The following SHANK2 variants were observed in gnomAD, a reference collection of about 807,000 sequenced individuals.
The protein encoded by SHANK2 is SH3 and multiple ankyrin repeat domains 2.
SHANK2 carries 43 observed loss-of-function variants against 133.7 expected under a neutral mutation model. The ratio of observed to expected loss-of-function variants is 0.32; its 90% CI spans 0.25 to 0.41. The LOEUF (loss-of-function observed/expected upper bound fraction) is 0.41. SHANK2 is among the 10% of genes least tolerant of loss of function. The probability of loss-of-function intolerance (pLI) is 1.00; values close to 1 mark genes in which losing one functional copy is unlikely to be tolerated. For missense variants in SHANK2, 1,994 were observed against 2,235.8 expected, an observed-to-expected ratio of 0.89 and a Z score of 2.18; for synonymous variants, 1,017 against 952.8, an observed-to-expected ratio of 1.07 and a Z score of -1.24.
At chr11:71,106,078 G>A (rs1167524295) in intron 6 of SHANK2, among the ~76,000 whole-genome samples, 2 of 152,238 alleles carry the variant, frequency 1.3e-5, no homozygotes, top group African/African-American at 4.8e-5. Context: ...AGGAAACTGG[G>A]GGAGCAGTCA....
At chr11:70,827,020 A>G (rs1555057359) in intron 11 of SHANK2, among the ~76,000 whole-genome samples, 1 of 152,186 alleles carries the variant, frequency 6.6e-6, no homozygotes, top group Non-Finnish European at 1.5e-5. Flanking sequence ...AGAAAAAGCC[A>G]AGTTTGTTTG....
intron 17 of SHANK2, among the ~76,000 whole-genome samples, chr11:70,644,219 T>C (rs1041697698): frequency 1.3e-5 from 2 of 152,234 alleles, no homozygotes; most frequent in Non-Finnish European, 2.9e-5. Context: ...GGCCAGTTCA[T>C]GGCATTAACT....
chr11:70,702,914 C>T (rs1180150110), intron 14 of SHANK2, among the ~76,000 whole-genome samples: 1 of 152,222 alleles, frequency 6.6e-6, no homozygotes, highest in Non-Finnish European at 1.5e-5. Flanking sequence ...ACAGTCCCTC[C>T]TTAAAGGGGA....
At chr11:70,664,202 G>A (rs1168675723) in intron 15 of SHANK2, among the ~76,000 whole-genome samples, 5 of 152,230 alleles carry the variant, frequency 3.3e-5, no homozygotes, top group African/African-American at 9.6e-5. Flanking sequence ...CCCCCACAAC[G>A]AGAACACAGA....
At chr11:71,112,859 C>T (rs1951912143) in intron 5 of SHANK2, among the ~76,000 whole-genome samples, 1 of 152,156 alleles carries the variant, frequency 6.6e-6, no homozygotes, top group South Asian at 2.1e-4. Context: ...GTGCAACGCC[C>T]CTGCTGCTCA....
At chr11:71,203,599 GA>G (rs1555117475) in intron 2 of SHANK2, among the ~76,000 whole-genome samples, 1 of 151,642 alleles carries the variant, frequency 6.6e-6, no homozygotes. Flanking sequence ...CATCTCAAAA[GA>G]AAAAAAAGAA....
At chr11:70,491,896 G>A (rs538921083) in intron 22 of SHANK2, among the ~76,000 whole-genome samples, 57 of 152,302 alleles carry the variant, frequency 3.7e-4, no homozygotes, top group African/African-American at 1.3e-3. Flanking sequence ...TTCTGGCTCC[G>A]AGGACAAGTG....
intron 15 of SHANK2, among the ~76,000 whole-genome samples, chr11:70,667,147 G>A (rs1223457867): frequency 3.9e-5 from 6 of 152,136 alleles, no homozygotes; most frequent in African/African-American, 1.4e-4. Flanking sequence ...GAAGGGGCAA[G>A]CACCTTTTCC....
rs11602751 is a variant in SHANK2, at chr11:70,951,600, A to G, written c.1108-55033T>C. Among the ~76,000 whole-genome samples the G allele has an allele frequency of 7.9e-3, 347 of 43,886 alleles. 4 individuals are homozygous for G. Among genetic ancestry groups the G allele is most frequent in the African/African-American group, 0.017 (306 of 17,932 alleles). The allele number at this position is 43,886 out of a possible 152,430, so 28.8% of individuals were successfully genotyped here. ...TTTCCTCTGGCTGCTGTGCTGTGAC[A>G]TCATAAATTCATTTCCTCTGGCTGC... On this transcript the variant is annotated intron_variant, in intron 10 of 25. Coordinates refer to ENST00000601538, the MANE Select transcript of SHANK2 (RefSeq NM_012309.5).
intron 10 of SHANK2, among the ~76,000 whole-genome samples, chr11:70,949,749 T>C (rs1424428265): frequency 6.6e-6 from 1 of 152,212 alleles, no homozygotes; most frequent in African/African-American, 2.4e-5. Context: ...CCCCGTGGCC[T>C]GGGCCAGCCT....
intron 10 of SHANK2, among the ~76,000 whole-genome samples, chr11:70,932,509 C>T (rs1009960747): frequency 1.3e-5 from 2 of 152,230 alleles, no homozygotes; most frequent in Non-Finnish European, 2.9e-5. Context: ...GACCAATTCC[C>T]AGGAAACTAC....
At chr11:71,088,087 C>T (rs1218614174) in intron 8 of SHANK2, among the ~76,000 whole-genome samples, 1 of 152,164 alleles carries the variant, frequency 6.6e-6, no homozygotes, top group Non-Finnish European at 1.5e-5. Flanking sequence ...TGATGATTCT[C>T]CATAATGTGG....
chr11:71,240,142 T>C (rs1005304818), intron 1 of SHANK2, among the ~76,000 whole-genome samples: 1 of 152,176 alleles, frequency 6.6e-6, no homozygotes, highest in Non-Finnish European at 1.5e-5. Flanking sequence ...CACGGGGTAC[T>C]TGGAGGCTTG....
chr11:70,650,869 G>A (rs914633249), intron 17 of SHANK2, among the ~76,000 whole-genome samples: 3 of 152,210 alleles, frequency 2.0e-5, no homozygotes, highest in African/African-American at 4.8e-5. Flanking sequence ...TCTGATTCAC[G>A]TCTTTCTTCC....
intron 17 of SHANK2, among the ~76,000 whole-genome samples, chr11:70,512,168 G>A (rs1554969371): frequency 6.6e-6 from 1 of 152,208 alleles, no homozygotes; most frequent in Non-Finnish European, 1.5e-5. Context: ...TTGTGGGTGT[G>A]CACTGTAGGA....
intron 6 of SHANK2, among the ~76,000 whole-genome samples, chr11:71,100,816 G>A (rs1951704965): frequency 1.3e-5 from 2 of 149,464 alleles, no homozygotes; most frequent in Admixed American, 6.7e-5. Context: ...GCAGTGAGCT[G>A]AGATCACACC....
intron 17 of SHANK2, among the ~76,000 whole-genome samples, chr11:70,558,253 C>A (rs1430895539): frequency 6.6e-6 from 1 of 152,196 alleles, no homozygotes; most frequent in Non-Finnish European, 1.5e-5. Flanking sequence ...GAGCGTCAGG[C>A]CATGGGCTTG....
intron 17 of SHANK2, among the ~76,000 whole-genome samples, chr11:70,605,967 A>G (rs1554992272): frequency 1.3e-5 from 2 of 152,136 alleles, no homozygotes; most frequent in Non-Finnish European, 2.9e-5. Context: ...TCCTTGGGGT[A>G]AAAAGATGGC....
At chr11:70,571,607 G>C (rs1554983105) in intron 17 of SHANK2, among the ~76,000 whole-genome samples, 1 of 152,216 alleles carries the variant, frequency 6.6e-6, no homozygotes, top group African/African-American at 2.4e-5. Flanking sequence ...GGTCTAGGGA[G>C]GAGAGGTGAG....
Sources: gnomAD v4.1 joint callset for allele counts (sites outside exome capture counted in the v4.1 genomes callset) on GRCh38, gnomAD v4.1.1 for gene constraint, MANE v1.5 for transcripts, NCBI Gene and HGNC (gene_info 2026-07-23, HGNC 2026-07-21) for gene names.